The following MYT1L variants were observed in gnomAD, a reference collection of about 807,000 sequenced individuals.
The protein encoded by MYT1L is myelin transcription factor 1-like protein.
In MYT1L, 12 loss-of-function variants were observed where a neutral mutation model predicts 126.7. That is an observed-to-expected ratio of 0.09 (90% CI 0.06 to 0.15). The LOEUF is 0.15. Ranked by LOEUF, MYT1L falls within the 10% of genes least tolerant of loss-of-function variation. The probability of loss-of-function intolerance (pLI) is 1.00; values close to 1 mark genes in which losing one functional copy is unlikely to be tolerated. For synonymous variants in MYT1L, 541 were observed against 604.2 expected, an observed-to-expected ratio of 0.90 and a Z score of 1.53; for missense variants, 979 against 1,585.2, an observed-to-expected ratio of 0.62 and a Z score of 6.49.
chr2:1,951,056 A>T (rs2149312392), intron 8 of MYT1L, among the ~76,000 whole-genome samples: 1 of 152,218 alleles, frequency 6.6e-6, no homozygotes, highest in Admixed American at 6.5e-5. Context: ...CGGGAGACTC[A>T]GGTCTTTGCT....
chr2:2,054,507 G>A (rs576886708), intron 3 of MYT1L, among the ~76,000 whole-genome samples: 1 of 151,974 alleles, frequency 6.6e-6, no homozygotes, highest in South Asian at 2.1e-4. Flanking sequence ...GAGATAATGA[G>A]ACACAGAGAT....
At chr2:1,974,230 A>G (rs1039927407) in intron 8 of MYT1L, among the ~76,000 whole-genome samples, 1 of 152,142 alleles carries the variant, frequency 6.6e-6, no homozygotes, top group Non-Finnish European at 1.5e-5. Context: ...GCTGGACACC[A>G]GGTTTGAGGC....
intron 18 of MYT1L, among the ~76,000 whole-genome samples, chr2:1,872,161 C>A (rs115362454): frequency 0.014 from 2,203 of 152,100 alleles, 19 homozygotes; most frequent in Middle Eastern, 0.017. Flanking sequence ...TCTACATGAA[C>A]GGGAAACAGA....
intron 2 of MYT1L, among the ~76,000 whole-genome samples, chr2:2,231,310 C>T (rs1447953459): frequency 6.6e-6 from 1 of 152,168 alleles, no homozygotes; most frequent in Non-Finnish European, 1.5e-5. Context: ...CTGTCATTTG[C>T]TAATTAACAA....
chr2:2,328,270 A>G (rs954997482), intron 1 of MYT1L, among the ~76,000 whole-genome samples: 10 of 152,238 alleles, frequency 6.6e-5, no homozygotes, highest in Non-Finnish European at 1.5e-4. Context: ...CAGTGAAATA[A>G]TTGGGTATAT....
intron 18 of MYT1L, among the ~76,000 whole-genome samples, chr2:1,860,434 G>A (rs1025152454): frequency 3.9e-5 from 6 of 152,150 alleles, no homozygotes; most frequent in Admixed American, 3.3e-4. Flanking sequence ...CAAACCACAC[G>A]CTCGGGATGC....
In MYT1L at chr2:1,959,063, G is replaced by A. The variant is rs113359773; in HGVS notation, c.153-15729C>T. On this transcript the variant is annotated intron_variant, in intron 8 of 24. Coordinates refer to ENST00000647738, the MANE Select transcript of MYT1L (RefSeq NM_001303052.2). ...CTTGAATCCCTCTGGGGATGTCAGC[G>A]TCTTGGTGTTTGATAAATGCTAATA... 2.2e-4 allele frequency among the ~76,000 whole-genome samples: 34 copies of A among 152,308 alleles called. 2 individuals are homozygous for A. The highest frequency in any genetic ancestry group is 7.9e-4 in the African/African-American group (33 of 41,572).
intron 2 of MYT1L, among the ~76,000 whole-genome samples, chr2:2,234,993 T>C (rs2094252891): frequency 6.6e-6 from 1 of 152,196 alleles, no homozygotes; most frequent in Non-Finnish European, 1.5e-5. Flanking sequence ...GGACCTCCCC[T>C]TTTTCACTTT....
intron 2 of MYT1L, among the ~76,000 whole-genome samples, chr2:2,214,765 T>TCA (rs913004648): frequency 6.6e-6 from 1 of 152,156 alleles, no homozygotes; most frequent in Non-Finnish European, 1.5e-5. Flanking sequence ...ATTGGGATAG[T>TCA]CACACGGTAA....
At chr2:2,186,194 A>G (rs113248650) in intron 2 of MYT1L, among the ~76,000 whole-genome samples, 27 of 70,970 alleles carry the variant, frequency 3.8e-4, no homozygotes, top group South Asian at 4.6e-4. Flanking sequence ...GGACGCAGCC[A>G]GGCCTTCCGG....
At chr2:2,155,857 C>T (rs1368347942) in intron 3 of MYT1L, among the ~76,000 whole-genome samples, 1 of 152,158 alleles carries the variant, frequency 6.6e-6, no homozygotes, top group Non-Finnish European at 1.5e-5. Flanking sequence ...TGGTTCCAGG[C>T]ATCTGGAGGT....
intron 5 of MYT1L, among the ~76,000 whole-genome samples, chr2:1,987,014 G>C (rs565784549): frequency 6.6e-6 from 1 of 152,298 alleles, no homozygotes; most frequent in Admixed American, 6.5e-5. Context: ...TGGTAAAATA[G>C]ATGTTGTTTC....
chr2:1,809,004 A>C (rs1348753946), intron 22 of MYT1L, 72 bp downstream of exon 22: 1 of 1,327,788 alleles, frequency 7.5e-7, no homozygotes, highest in Non-Finnish European at 1.1e-6. Flanking sequence ...GTCAAAGGAC[A>C]CACAGCTGGC....
At chr2:2,144,002 G>A (rs1288020078) in intron 3 of MYT1L, among the ~76,000 whole-genome samples, 1 of 151,856 alleles carries the variant, frequency 6.6e-6, no homozygotes, top group Non-Finnish European at 1.5e-5. Flanking sequence ...AAAACTATTG[G>A]GTCCTATGCT....
intron 2 of MYT1L, among the ~76,000 whole-genome samples, chr2:2,218,416 A>G (rs1031184183): frequency 6.6e-6 from 1 of 152,242 alleles, no homozygotes; most frequent in Non-Finnish European, 1.5e-5. Flanking sequence ...ACACACAGCA[A>G]GATGGGTGAA....
chr2:2,118,449 A>C lies in MYT1L; in HGVS notation c.-304+54423T>G, dbSNP rs561749275. 2.2e-4 allele frequency among the ~76,000 whole-genome samples: 34 copies of C among 152,338 alleles called. No homozygotes were observed. The South Asian group carries it at 6.8e-3, about 31-fold the overall frequency. ...CAATAATATTATGTGGCTATAACTAAGGTTGAGATATCAAAATCAGTGATT... is the reference window on the plus strand; with the variant it reads ...CAATAATATTATGTGGCTATAACTACGGTTGAGATATCAAAATCAGTGATT... On this transcript the variant is annotated intron_variant, in intron 3 of 24. Transcript: ENST00000647738.
chr2:2,166,933 T>G (rs2089235576), intron 3 of MYT1L, among the ~76,000 whole-genome samples: 1 of 152,242 alleles, frequency 6.6e-6, no homozygotes, highest in Non-Finnish European at 1.5e-5. Flanking sequence ...AAAATCTTTC[T>G]GCATGGGTTC....
chr2:2,143,727 C>T (rs542659188), intron 3 of MYT1L, among the ~76,000 whole-genome samples: 1 of 152,186 alleles, frequency 6.6e-6, no homozygotes, highest in Admixed American at 6.5e-5. Context: ...GGAGCTTACT[C>T]TACACAAACT....
intron 2 of MYT1L, among the ~76,000 whole-genome samples, chr2:2,264,091 G>C (rs1471016734): frequency 6.6e-6 from 1 of 152,178 alleles, no homozygotes; most frequent in Non-Finnish European, 1.5e-5. Flanking sequence ...ATCCATGGTG[G>C]CAGGGTTAGA....
Sources: gnomAD v4.1 joint callset for allele counts (sites outside exome capture counted in the v4.1 genomes callset) on GRCh38, gnomAD v4.1.1 for gene constraint, MANE v1.5 for transcripts, NCBI Gene and HGNC (gene_info 2026-07-23, HGNC 2026-07-21) for gene names.